The following FCF1 variants were observed in gnomAD, a reference collection of about 807,000 sequenced individuals.
The protein encoded by FCF1 is rRNA-processing protein FCF1 homolog.
In FCF1, 17 loss-of-function variants were observed where a neutral mutation model predicts 32.5. The ratio of observed to expected loss-of-function variants is 0.52; its 90% CI spans 0.36 to 0.78. FCF1 has a LOEUF of 0.78. FCF1 is among the 30% of genes least tolerant of loss of function. The probability of loss-of-function intolerance (pLI) is 0.00; values close to 1 mark genes in which losing one functional copy is unlikely to be tolerated. For missense variants in FCF1, 201 were observed against 241.1 expected (o/e 0.83, Z 1.10); for synonymous variants, 84 against 78.4 (o/e 1.07, Z -0.38).
rs758801045 is a variant in FCF1 at position 74,734,945 on chromosome 14, A to G, written c.*15A>G. 8 of 1,609,974 alleles carry G rather than the reference A, an allele frequency of 5.0e-6. No individual in the cohort carries two copies. Among genetic ancestry groups the G allele is most frequent in the Middle Eastern group, 1.6e-4 (1 of 6,076 alleles). ...CTCGATTCTAATTCTTACAAGACAC[A>G]GTTCCTCTGCCTTTCTTCGACCAAC... On this transcript the variant is annotated 3_prime_UTR_variant, in exon 8 of 8. Transcript: ENST00000341162.
chr14:74,724,756 T>G, intron 5 of FCF1, among the ~76,000 whole-genome samples: 1 of 151,968 alleles, frequency 6.6e-6, no homozygotes, highest in East Asian at 1.9e-4. Context: ...AGTAAAAAAA[T>G]TAACCAGGTG....
At chr14:74,731,375 A>G (rs2090635130) in intron 5 of FCF1, among the ~76,000 whole-genome samples, 1 of 152,188 alleles carries the variant, frequency 6.6e-6, no homozygotes, top group Non-Finnish European at 1.5e-5. Context: ...TAACTGAAAG[A>G]GCATAGTCCT....
chr14:74,717,732 T>C (rs1463498476), intron 4 of FCF1, among the ~76,000 whole-genome samples: 1 of 152,198 alleles, frequency 6.6e-6, no homozygotes, highest in Non-Finnish European at 1.5e-5. Context: ...TACTTATCAA[T>C]GAAACGGATA....
intron 5 of FCF1, among the ~76,000 whole-genome samples, chr14:74,728,250 T>TC (rs1277732616): frequency 6.6e-6 from 1 of 152,232 alleles, no homozygotes; most frequent in Non-Finnish European, 1.5e-5. Context: ...GGAATGTTCT[T>TC]CCATTTGTTT....
chr14:74,714,018 C>G (rs966976596), intron 2 of FCF1, among the ~76,000 whole-genome samples: 1 of 152,278 alleles, frequency 6.6e-6, no homozygotes, highest in South Asian at 2.1e-4. Flanking sequence ...TTTTATAAGT[C>G]TTACTAATAT....
intron 5 of FCF1, among the ~76,000 whole-genome samples, chr14:74,724,859 G>A (rs2090554301): frequency 1.3e-5 from 2 of 151,660 alleles, no homozygotes. Context: ...GAGCTGAGAT[G>A]GTGCCACTGC....
intron 1 of FCF1, 52 bp from the exon 2 acceptor site, chr14:74,713,433 A>G: frequency 6.3e-7 from 1 of 1,585,090 alleles, no homozygotes; most frequent in Non-Finnish European, 8.6e-7. Context: ...AAGAGACTTT[A>G]AAAGATGCCG....
chr14:74,714,512 G>A (rs751493440), intron 2 of FCF1, among the ~76,000 whole-genome samples: 15 of 152,236 alleles, frequency 9.9e-5, no homozygotes, highest in Middle Eastern at 3.4e-3. Flanking sequence ...AAAAGTTAAA[G>A]CATCTGAATC....
intron 4 of FCF1, among the ~76,000 whole-genome samples, chr14:74,716,315 A>G (rs17102178): frequency 0.02 from 3,097 of 152,330 alleles, 104 homozygotes; most frequent in African/African-American, 0.071. Context: ...AACACTTAGA[A>G]TGCTTCGAGT....
intron 5 of FCF1, among the ~76,000 whole-genome samples, chr14:74,730,307 G>T (rs920636427): frequency 6.7e-6 from 1 of 149,904 alleles, no homozygotes; most frequent in African/African-American, 2.5e-5. Flanking sequence ...TGACCTCTCC[G>T]GCTCAAGTGA....
chr14:74,719,616 T>G (rs2090473550), intron 4 of FCF1, among the ~76,000 whole-genome samples: 2 of 148,598 alleles, frequency 1.3e-5, no homozygotes, highest in African/African-American at 5.0e-5. Flanking sequence ...ACCACAAAAA[T>G]TAGCTGAGCA....
chr14:74,723,451 T>A, intron 5 of FCF1, 107 bp downstream of exon 5: 1 of 798,198 alleles, frequency 1.3e-6, no homozygotes, highest in South Asian at 1.8e-5. Flanking sequence ...CATACAAAAC[T>A]ATTTATCATT....
chr14:74,719,350 TCA>T (rs965998204), intron 4 of FCF1, among the ~76,000 whole-genome samples: 2 of 142,766 alleles, frequency 1.4e-5, no homozygotes, highest in African/African-American at 5.2e-5. Context: ...GGCGAGATCT[TCA>T]CCCCGTAGTC....
chr14:74,714,091 A>G (rs1433982951), intron 2 of FCF1, among the ~76,000 whole-genome samples: 1 of 152,244 alleles, frequency 6.6e-6, no homozygotes, highest in Non-Finnish European at 1.5e-5. Flanking sequence ...AAGAGGATCA[A>G]AGCGGTGTCC....
At chr14:74,726,720 A>G (rs2090582104) in intron 5 of FCF1, among the ~76,000 whole-genome samples, 1 of 151,862 alleles carries the variant, frequency 6.6e-6, no homozygotes, top group South Asian at 2.1e-4. Context: ...CTCGTCATCT[A>G]GCATTAGGTA....
At chr14:74,734,046 A>C (rs770380614) in intron 6 of FCF1, 30 bp from the exon 7 acceptor site, 2 of 1,458,578 alleles carry the variant, frequency 1.4e-6, no homozygotes, top group Admixed American at 1.7e-5. Context: ...CAGTGACCTC[A>C]GTGTGAACAT....
intron 5 of FCF1, among the ~76,000 whole-genome samples, chr14:74,730,679 A>G (rs946890414): frequency 1.3e-5 from 2 of 152,124 alleles, no homozygotes; most frequent in African/African-American, 4.8e-5. Context: ...ATGCCACTGC[A>G]TCCAGCCTAG....
At chr14:74,724,272 G>GT (rs869057973) in intron 5 of FCF1, among the ~76,000 whole-genome samples, 3 of 151,942 alleles carry the variant, frequency 2.0e-5, no homozygotes, top group Non-Finnish European at 2.9e-5. Flanking sequence ...GGTTTGGGGG[G>GT]TTTTTTGTGT....
chr14:74,731,128 C>G (rs2090631342), intron 5 of FCF1, among the ~76,000 whole-genome samples: 1 of 152,012 alleles, frequency 6.6e-6, no homozygotes, highest in African/African-American at 2.4e-5. Context: ...ATCCTCCACA[C>G]CCAGCCTGGT....
Sources: allele counts gnomAD v4.1 joint callset (sites outside exome capture counted in the v4.1 genomes callset), GRCh38; gene constraint gnomAD v4.1.1; transcripts MANE v1.5; gene names NCBI Gene and HGNC (gene_info 2026-07-23, HGNC 2026-07-21).